The following SGCZ variants were observed in gnomAD, a reference collection of about 807,000 sequenced individuals.
SGCZ encodes the protein sarcoglycan zeta, also known as zeta-sarcoglycan.
Under a neutral mutation model 41.3 loss-of-function variants are expected in SGCZ, and 40 were observed. The observed-to-expected ratio is 0.97, with a 90% CI of 0.75 to 1.26. SGCZ has a LOEUF of 1.26. Among genes scored for constraint, SGCZ ranks in the 50% most tolerant of loss-of-function variants. The pLI is 0.00. For missense variants in SGCZ, 552 were observed against 369.8 expected, an observed-to-expected ratio of 1.49 and a Z score of -4.04; for synonymous variants, 206 against 137.5, an observed-to-expected ratio of 1.50 and a Z score of -3.49.
chr8:14,771,103 G>A (rs1800222366), intron 1 of SGCZ, among the ~76,000 whole-genome samples: 1 of 152,108 alleles, frequency 6.6e-6, no homozygotes, highest in Admixed American at 6.5e-5. Context: ...AATATATGGT[G>A]TAGTGTAAGG....
rs551120146 is a variant in SGCZ at position 14,745,785 on chromosome 8, AAC to A, written c.40-190861_40-190860del. 3.7e-3 allele frequency among the ~76,000 whole-genome samples: 557 copies of A among 152,188 alleles called. 1 individual carries two copies. The highest frequency in any genetic ancestry group is 0.012 in the African/African-American group (508 of 41,528). ...GAAAGAGGAAAAATCTGTTCCCATC[AAC>A]AGTTTTCTGGACATTGATACAACCA... is the stretch of plus-strand genomic sequence containing the variant. On this transcript the variant is annotated intron_variant, in intron 1 of 7. Transcript: ENST00000382080.
intron 1 of SGCZ, among the ~76,000 whole-genome samples, chr8:14,892,969 T>C (rs1805068605): frequency 1.3e-5 from 2 of 152,286 alleles, no homozygotes; most frequent in South Asian, 4.1e-4. Context: ...CATGATGTAG[T>C]TATTCTTCCA....
intron 1 of SGCZ, among the ~76,000 whole-genome samples, chr8:14,994,039 T>C (rs934817765): frequency 2.6e-5 from 4 of 152,220 alleles, no homozygotes; most frequent in Non-Finnish European, 5.9e-5. Context: ...ATGCGAGTCA[T>C]GGCTGTGGAG....
At position 14,593,586 on chromosome 8, in the gene SGCZ, C is replaced by T. The variant is rs576924262; in HGVS notation, c.40-38660G>A. Among the ~76,000 whole-genome samples, 3 of 152,116 alleles carry T rather than the reference C, an allele frequency of 2.0e-5. No homozygotes were observed. In the South Asian group the frequency reaches 6.2e-4, roughly 32 times the overall value. On this transcript the variant is annotated intron_variant, in intron 1 of 7. Coordinates refer to ENST00000382080, the MANE Select transcript of SGCZ (RefSeq NM_139167.4). ...TTAATTTTCAGTTTGGAAAGGATGGCGACAGTGGTGAAGGTGTAAGTGTTT... is the reference window on the plus strand; with the variant it reads ...TTAATTTTCAGTTTGGAAAGGATGGTGACAGTGGTGAAGGTGTAAGTGTTT...
chr8:15,167,264 G>C (rs1799692326), intron 1 of SGCZ, among the ~76,000 whole-genome samples: 1 of 152,218 alleles, frequency 6.6e-6, no homozygotes, highest in Non-Finnish European at 1.5e-5. Flanking sequence ...CCAAGGCTTT[G>C]ACTGGATAGG....
chr8:14,583,008 C>A (rs1334669264), intron 1 of SGCZ, among the ~76,000 whole-genome samples: 1 of 151,422 alleles, frequency 6.6e-6, no homozygotes, highest in Non-Finnish European at 1.5e-5. Context: ...ATTTATAGTC[C>A]TTTGGGTATA....
At chr8:14,580,083 C>T (rs1356053332) in intron 1 of SGCZ, among the ~76,000 whole-genome samples, 2 of 152,132 alleles carry the variant, frequency 1.3e-5, no homozygotes, top group South Asian at 2.1e-4. Context: ...AACACAAAGA[C>T]AGTATGAAGG....
At chr8:15,031,564 A>C (rs916996585) in intron 1 of SGCZ, among the ~76,000 whole-genome samples, 11 of 152,178 alleles carry the variant, frequency 7.2e-5, no homozygotes, top group Admixed American at 5.9e-4. Context: ...TGTGAGGTGG[A>C]AACTAATGGC....
rs574599050 is a variant in SGCZ at position 14,314,670 on chromosome 8, G to A, written c.336+9433C>T. ...GTGAATGGTTTCAGTGTTTTCATCA[G>A]TGGGTACATGGGTTGGTTCAAGGGC... On this transcript the variant is annotated intron_variant, in intron 3 of 7. Transcript: ENST00000382080. 4.1e-4 allele frequency among the ~76,000 whole-genome samples: 63 copies of A among 152,228 alleles called. 1 individual carries two copies. Among genetic ancestry groups the A allele is most frequent in the African/African-American group, 1.3e-3 (55 of 41,556 alleles).
intron 1 of SGCZ, among the ~76,000 whole-genome samples, chr8:15,105,153 C>G (rs1050233890): frequency 5.3e-5 from 8 of 152,100 alleles, no homozygotes; most frequent in Non-Finnish European, 1.0e-4. Context: ...TACCTTTATC[C>G]AAAAGTCTAT....
Position 14,594,706 on chromosome 8 carries a change from T to C in SGCZ, c.40-39780A>G, listed in dbSNP as rs573673232. 9.5e-4 allele frequency among the ~76,000 whole-genome samples: 144 copies of C among 152,052 alleles called. 4 individuals are homozygous for C. The highest frequency in any genetic ancestry group is 3.2e-3 in the African/African-American group (134 of 41,344). On this transcript the variant is annotated intron_variant, in intron 1 of 7. Coordinates refer to ENST00000382080, the MANE Select transcript of SGCZ (RefSeq NM_139167.4). ...TTTCAAATTAAAAATAAAATATGAA[T>C]AACTGTCTGTGCGTTGGGGGTGTCT...
At chr8:14,667,130 T>C (rs1022105016) in intron 1 of SGCZ, among the ~76,000 whole-genome samples, 1 of 152,124 alleles carries the variant, frequency 6.6e-6, no homozygotes, top group Non-Finnish European at 1.5e-5. Context: ...AAATACAAAC[T>C]TGAAAGTTTC....
chr8:14,501,395 T>C (rs1257586236), intron 2 of SGCZ, among the ~76,000 whole-genome samples: 1 of 152,024 alleles, frequency 6.6e-6, no homozygotes, highest in African/African-American at 2.4e-5. Flanking sequence ...CAGGAGATGT[T>C]ATTTTGTGTA....
chr8:15,078,584 T>C (rs1333068854), intron 1 of SGCZ, among the ~76,000 whole-genome samples: 1 of 152,096 alleles, frequency 6.6e-6, no homozygotes, highest in Non-Finnish European at 1.5e-5. Context: ...GGTGAGTGCT[T>C]TTGTTTAATA....
chr8:14,366,281 C>A (rs956246642), intron 2 of SGCZ, among the ~76,000 whole-genome samples: 1 of 152,056 alleles, frequency 6.6e-6, no homozygotes, highest in Non-Finnish European at 1.5e-5. Flanking sequence ...ACAATCAGAG[C>A]AGAAGGTGAA....
chr8:14,176,565 TTTAAG>T (rs1370595037), intron 4 of SGCZ, among the ~76,000 whole-genome samples: 1 of 152,124 alleles, frequency 6.6e-6, no homozygotes, highest in South Asian at 2.1e-4. Flanking sequence ...TAGTCCAACA[TTTAAG>T]TTGAGAAGTT....
chr8:14,372,448 C>T (rs1285691985), intron 2 of SGCZ, among the ~76,000 whole-genome samples: 5 of 152,108 alleles, frequency 3.3e-5, no homozygotes, highest in African/African-American at 1.2e-4. Flanking sequence ...GAGAGGATTT[C>T]TGTGGCTTCA....
chr8:15,160,735 ATGAATC>A (rs1799487110), intron 1 of SGCZ, among the ~76,000 whole-genome samples: 1 of 152,204 alleles, frequency 6.6e-6, no homozygotes, highest in African/African-American at 2.4e-5. Context: ...GATCTTCCCC[ATGAATC>A]TGACTTCAAT....
intron 1 of SGCZ, among the ~76,000 whole-genome samples, chr8:14,748,076 C>T (rs528703787): frequency 2.0e-5 from 3 of 152,024 alleles, no homozygotes; most frequent in East Asian, 3.9e-4. Context: ...CCAAAAGGTA[C>T]GTGGCATGTA....
Sources: gnomAD v4.1 joint callset for allele counts (sites outside exome capture counted in the v4.1 genomes callset) on GRCh38, gnomAD v4.1.1 for gene constraint, MANE v1.5 for transcripts, NCBI Gene and HGNC (gene_info 2026-07-23, HGNC 2026-07-21) for gene names.